Variants in UBN1 observed in about 807,000 individuals in gnomAD.
UBN1 encodes the protein ubinuclein-1.
A neutral mutation model predicts 108.5 loss-of-function variants in UBN1; 17 were observed. The observed-to-expected ratio is 0.16, with a 90% CI of 0.11 to 0.24. The LOEUF is 0.24. Among genes scored for constraint, UBN1 ranks in the 10% least tolerant of loss-of-function variants. The pLI, the probability that UBN1 is intolerant of heterozygous loss-of-function variation, is 1.00. For missense variants in UBN1, 1,595 were observed against 1,394.4 expected (o/e 1.14, Z -2.29); for synonymous variants, 726 against 564.2 (o/e 1.29, Z -4.07).
rs369333789 is a variant in UBN1, at chr16:4,850,073, ATTTTC to A, written c.-40+1866_-40+1870del. The stretch of plus-strand genomic sequence containing the variant: ...TTCAAACATGTTTGAACTTAATTAT[ATTTTC>A]TTAAGCATTTTGAATTATGATTGTA... On this transcript the variant is annotated intron_variant, in intron 1 of 17. Transcript: ENST00000262376. Among the ~76,000 whole-genome samples the A allele has an allele frequency of 2.7e-3, 416 of 152,010 alleles. 2 individuals are homozygous for A. Among genetic ancestry groups the A allele is most frequent in the African/African-American group, 9.3e-3 (386 of 41,432 alleles).
intron 7 of UBN1, among the ~76,000 whole-genome samples, chr16:4,863,779 A>T (rs963245476): frequency 2.0e-5 from 3 of 152,168 alleles, no homozygotes; most frequent in African/African-American, 7.2e-5. Flanking sequence ...GGCTGCATTC[A>T]GCTGGCAAGT....
rs941119163 is a variant in UBN1 at position 4,847,830 on chromosome 16, G to T, written c.-420G>T. 3.9e-5 allele frequency: 6 copies of T among 152,776 alleles called. No individual in the cohort carries two copies. Among genetic ancestry groups the T allele is most frequent in the African/African-American group, 1.4e-4 (6 of 41,450 alleles). 9.5% of individuals were successfully genotyped at this position (152,776 alleles called of 1,614,324 possible). A position where few individuals can be genotyped will look rare whatever the true frequency, so the allele number is the denominator to read the frequency against. On this transcript the variant is annotated 5_prime_UTR_variant, in exon 1 of 18. Coordinates refer to ENST00000262376, the MANE Select transcript of UBN1 (RefSeq NM_001079514.3). ...CGCAGGCCGGGAGGCCCCGGTGTCC[G>T]CGCCCGTCCGCTCCCGCCGCCCGTG...
At chr16:4,872,809 C>T (rs1245887403) in intron 12 of UBN1, 75 bp from the exon 13 acceptor site, 2 of 1,551,756 alleles carry the variant, frequency 1.3e-6, no homozygotes, top group African/African-American at 1.4e-5. Context: ...GGACCAGGGA[C>T]ACTAGCAAAG....
At chr16:4,849,596 C>G (rs567833114) in intron 1 of UBN1, among the ~76,000 whole-genome samples, 1 of 150,590 alleles carries the variant, frequency 6.6e-6, no homozygotes, top group Non-Finnish European at 1.5e-5. Flanking sequence ...TTGTTTTTTT[C>G]TTTTTTTTGT....
At chr16:4,865,514 T>C (rs2087285897) in intron 7 of UBN1, among the ~76,000 whole-genome samples, 2 of 151,442 alleles carry the variant, frequency 1.3e-5, no homozygotes, top group South Asian at 4.2e-4. Context: ...GAAAAAAAAA[T>C]CTAAAAATTA....
intron 11 of UBN1, 75 bp downstream of exon 11, chr16:4,871,047 A>G: frequency 1.2e-6 from 2 of 1,604,612 alleles, no homozygotes; most frequent in Non-Finnish European, 1.7e-6. Context: ...TATTGCTGAC[A>G]AAGGTTAGGC....
chr16:4,869,787 G>T (rs1049103714), intron 8 of UBN1, among the ~76,000 whole-genome samples: 1 of 152,150 alleles, frequency 6.6e-6, no homozygotes, highest in Non-Finnish European at 1.5e-5. Flanking sequence ...AAACTGGAGG[G>T]GTGAGGCTTT....
At chr16:4,852,674 CTG>C (rs2086614352) in intron 1 of UBN1, 2 of 427,548 alleles carry the variant, frequency 4.7e-6, no homozygotes, top group Admixed American at 4.1e-5. Context: ...GGAAAAAAGA[CTG>C]GAAGTATGCT....
chr16:4,859,211 A>C (rs1266923041), intron 5 of UBN1, 52 bp downstream of exon 5: 2 of 1,591,390 alleles, frequency 1.3e-6, no homozygotes. Flanking sequence ...ACGTGACCCT[A>C]TCAGATCAGT....
chr16:4,849,486 A>G (rs1418473813), intron 1 of UBN1, among the ~76,000 whole-genome samples: 1 of 152,162 alleles, frequency 6.6e-6, no homozygotes, highest in East Asian at 1.9e-4. Flanking sequence ...ATATATATAT[A>G]TATAGTAAGA....
At chr16:4,858,101 A>G (rs754378979) in intron 3 of UBN1, 25 bp downstream of exon 3, 33 of 1,507,504 alleles carry the variant, frequency 2.2e-5, no homozygotes, top group Admixed American at 1.3e-4. Flanking sequence ...TTGAATAACA[A>G]AACAACCTCA....
chr16:4,873,849 C>G (rs556937938), intron 14 of UBN1, among the ~76,000 whole-genome samples: 2 of 152,364 alleles, frequency 1.3e-5, no homozygotes, highest in South Asian at 2.1e-4. Flanking sequence ...ATGCCTTGGT[C>G]TGATTGCAGC....
Position 4,880,084 on chromosome 16 carries a change from T to C in UBN1, c.3357T>C (p.Gly1119=). 1 of 1,614,100 alleles carries C rather than the reference T, an allele frequency of 6.2e-7. No homozygotes were observed. Among genetic ancestry groups the C allele is most frequent in the Non-Finnish European group, 8.5e-7 (1 of 1,180,008 alleles). Residue 1119 remains glycine, a splice_region_variant and synonymous_variant, in exon 18 of 18, where the codon GGT becomes GGC. Coordinates refer to ENST00000262376, the MANE Select transcript of UBN1 (RefSeq NM_001079514.3). ...VPTHIPQSLP[G]ASQLHGKGPA... is the part of the protein sequence containing the mutation. ...CTAATTTTTCTTACTCTTTTCCAGGTGCTTCTCAGCTTCACGGGAAAGGGC... is the reference window on the plus strand; with the variant it reads ...CTAATTTTTCTTACTCTTTTCCAGGCGCTTCTCAGCTTCACGGGAAAGGGC...
Position 4,875,262 on chromosome 16 carries a change from C to A in UBN1, c.2852C>A (p.Pro951Gln). The stretch of plus-strand genomic sequence containing the variant: ...GGACAGGCCACCAGCCGACCCGTCC[C>A]AAGTTCAGCAGGGAAAAAAATGCCT... ...SVGQATSRPV[P>Q]SSAGKKMPVS... The change falls in exon 15 of 18, where the codon CCA (proline) becomes CAA (glutamine). Residue 951 changes from proline (P) to glutamine (Q), a missense_variant. By Grantham distance (76) the Pro-to-Gln change is moderately conservative. Around this residue, in one of 3 missense-constraint regions of UBN1, gnomAD observed 1,398 missense variants for 1,194.7 expected, o/e 1.17. Transcript: ENST00000262376. 6.2e-7 allele frequency: 1 copy of A among 1,614,256 alleles called. No individual in the cohort carries two copies. Among genetic ancestry groups the A allele is most frequent in the Non-Finnish European group, 8.5e-7 (1 of 1,180,050 alleles).
At chr16:4,878,382 A>G (rs1382397697) in intron 17 of UBN1, among the ~76,000 whole-genome samples, 1 of 152,188 alleles carries the variant, frequency 6.6e-6, no homozygotes, top group East Asian at 1.9e-4. Flanking sequence ...AACTGGTGCC[A>G]GGTGGAAGTA....
intron 2 of UBN1, 50 bp downstream of exon 2, chr16:4,853,216 A>G (rs559663120): frequency 5.0e-6 from 8 of 1,594,530 alleles, no homozygotes; most frequent in African/African-American, 1.3e-5. Flanking sequence ...CACAGGGGTC[A>G]GTGCATGCAT....
chr16:4,865,437 TTGGGAGGCCGAGG>T (rs1271445647), intron 7 of UBN1, among the ~76,000 whole-genome samples: 5 of 152,048 alleles, frequency 3.3e-5, no homozygotes, highest in African/African-American at 1.2e-4. Context: ...TCGCAGTACT[TTGGGAGGCCGAGG>T]TGGGAGGATC....
At chr16:4,873,924 C>G (rs1360467566) in intron 14 of UBN1, among the ~76,000 whole-genome samples, 1 of 152,198 alleles carries the variant, frequency 6.6e-6, no homozygotes, top group Non-Finnish European at 1.5e-5. Flanking sequence ...AGTCTTAACG[C>G]TTTTCAAAAC....
chr16:4,857,996 G>A lies in UBN1; in HGVS notation c.256G>A (p.Asp86Asn), dbSNP rs760055198. The A allele has an allele frequency of 1.9e-6, 3 of 1,610,750 alleles. No homozygotes were observed. The highest frequency in any genetic ancestry group is 2.5e-6 in the Non-Finnish European group (3 of 1,178,680). The change falls in exon 3 of 18, where the codon GAT (aspartate) becomes AAT (asparagine). Residue 86 changes from aspartate to asparagine, a missense_variant. Asp to Asn is a conservative substitution (Grantham distance 23, BLOSUM62 1). Transcript: ENST00000262376. ...KGLQPGDKKK[D>N]LSDPFNDEEK... The stretch of plus-strand genomic sequence containing the variant: ...TGGAACGATCTCTTTACAGAAGAAA[G>A]ATCTGTCAGATCCTTTCAATGACGA...
Sources: gnomAD v4.1 joint callset for allele counts (sites outside exome capture counted in the v4.1 genomes callset) on GRCh38, gnomAD v4.1.1 for gene constraint, gnomAD v4.1.1 regional missense constraint, MANE v1.5 for transcripts, NCBI Gene and HGNC (gene_info 2026-07-23, HGNC 2026-07-21) for gene names.